The following SLC9B1 variants were observed in gnomAD, a reference collection of about 807,000 sequenced individuals.
SLC9B1 encodes sodium/hydrogen exchanger 9B1.
Under a neutral mutation model 51.7 loss-of-function variants are expected in SLC9B1, and 32 were observed. The ratio of observed to expected loss-of-function variants is 0.62; its 90% CI spans 0.47 to 0.83. SLC9B1 has a LOEUF of 0.83. Ranked by LOEUF, SLC9B1 falls within the 40% of genes least tolerant of loss-of-function variation. SLC9B1 has a pLI of 0.00. For synonymous variants in SLC9B1, 145 were observed against 212.7 expected, an observed-to-expected ratio of 0.68 and a Z score of 2.77; for missense variants, 406 against 613.2, an observed-to-expected ratio of 0.66 and a Z score of 3.57.
intron 1 of SLC9B1, 56 bp from the exon 2 acceptor site, chr4:102,991,768 G>A (rs1739949882): frequency 8.1e-7 from 1 of 1,240,928 alleles, no homozygotes; most frequent in Non-Finnish European, 1.1e-6. Flanking sequence ...AAATCCATAT[G>A]AAAACAAACA....
intron 1 of SLC9B1, among the ~76,000 whole-genome samples, chr4:102,998,040 T>C (rs1344120594): frequency 1.3e-5 from 2 of 152,202 alleles, no homozygotes; most frequent in African/African-American, 4.8e-5. Flanking sequence ...TTTTAACCAC[T>C]TTAAAGTATA....
rs1578358194 is a variant in SLC9B1, at chr4:102,932,178, C to T, written c.775G>A (p.Asp259Asn). ...TLLMAASSMD[D>N]ILAITGFNTC... ...TTGAATCCAGTGATAGCCAGAATGT[C>T]ATCCATACTGCTAGCAGCCATTAAT... The change falls in exon 7 of 12, where the codon GAC becomes AAC. Residue 259 changes from aspartate (D) to asparagine (N), a missense_variant. Physicochemically the swap from Asp to Asn is conservative, Grantham distance 23. This residue lies in a region of SLC9B1 where 250 missense variants were observed against 394.1 expected (regional missense o/e 0.63). Transcript: ENST00000296422. The T allele has an allele frequency of 1.6e-5, 26 of 1,611,950 alleles. No homozygotes were observed. The East Asian group carries it at 5.3e-4, about 33-fold the overall frequency.
At chr4:102,968,784 G>A (rs962365381) in intron 3 of SLC9B1, among the ~76,000 whole-genome samples, 5 of 152,210 alleles carry the variant, frequency 3.3e-5, no homozygotes, top group Non-Finnish European at 7.3e-5. Flanking sequence ...CTTAGCCAAG[G>A]GAAGCCGTGA....
intron 1 of SLC9B1, among the ~76,000 whole-genome samples, chr4:103,007,172 A>G (rs1740830126): frequency 6.6e-6 from 1 of 152,198 alleles, no homozygotes; most frequent in Non-Finnish European, 1.5e-5. Flanking sequence ...GTAGGAAGAG[A>G]GGAAGTCAAA....
chr4:102,918,071 A>G (rs1325499675), intron 7 of SLC9B1, among the ~76,000 whole-genome samples: 2 of 126,678 alleles, frequency 1.6e-5, no homozygotes, highest in Non-Finnish European at 3.2e-5. Context: ...TCCATCTCAA[A>G]AAAAAAAAAA....
At chr4:102,946,291 G>GT (rs1357565874) in intron 5 of SLC9B1, among the ~76,000 whole-genome samples, 3 of 152,008 alleles carry the variant, frequency 2.0e-5, no homozygotes, top group Non-Finnish European at 2.9e-5. Context: ...TTTTTCTTCT[G>GT]TTTTTTTCTT....
intron 11 of SLC9B1, chr4:102,889,980 T>TA (rs1734155926): frequency 3.9e-5 from 4 of 103,248 alleles, no homozygotes; most frequent in South Asian, 5.7e-4. Context: ...GCCCTGTTGT[T>TA]ACTGCGTCAC....
At chr4:103,008,693 A>AT (rs2110538659) in intron 1 of SLC9B1, among the ~76,000 whole-genome samples, 1 of 151,930 alleles carries the variant, frequency 6.6e-6, no homozygotes, top group African/African-American at 2.4e-5. Flanking sequence ...CTGATACATC[A>AT]TATTGAGTAA....
chr4:102,885,167 G>C lies in SLC9B1; in HGVS notation c.*66C>G. 2.1e-6 allele frequency: 3 copies of C among 1,416,712 alleles called. No individual in the cohort carries two copies. The South Asian group carries it at 3.5e-5, about 16-fold the overall frequency. The allele number at this position is 1,416,712 out of a possible 1,614,324, so 87.8% of individuals were successfully genotyped here. A position where few individuals can be genotyped will look rare whatever the true frequency, so the allele number is the denominator to read the frequency against. The stretch of plus-strand genomic sequence containing the variant: ...AGGATGAAACTAGACATGCTATTTT[G>C]AATTCTTTTCCAAGAGCACTGCAGA... On this transcript the variant is annotated 3_prime_UTR_variant, in exon 12 of 12. Transcript: ENST00000394789.
intron 3 of SLC9B1, among the ~76,000 whole-genome samples, chr4:102,951,201 G>A (rs1417707271): frequency 1.3e-5 from 2 of 151,980 alleles, no homozygotes; most frequent in Admixed American, 6.6e-5. Context: ...ACAGGTTAGG[G>A]ATCCCAAAGT....
intron 11 of SLC9B1, among the ~76,000 whole-genome samples, chr4:102,904,464 A>G (rs1429020579): frequency 9.2e-5 from 9 of 97,850 alleles, no homozygotes; most frequent in African/African-American, 5.0e-4. Flanking sequence ...TTAGGAAAAT[A>G]AAAAACATTT....
intron 3 of SLC9B1, among the ~76,000 whole-genome samples, chr4:102,955,869 GAA>G (rs1368872561): frequency 7.3e-6 from 1 of 136,686 alleles, no homozygotes; most frequent in East Asian, 2.1e-4. Flanking sequence ...AAGAAAGAAA[GAA>G]AGAAAGAAAG....
At chr4:102,945,837 T>C (rs1268330873) in intron 5 of SLC9B1, among the ~76,000 whole-genome samples, 2 of 152,182 alleles carry the variant, frequency 1.3e-5, no homozygotes, top group African/African-American at 4.8e-5. Flanking sequence ...TCTTGAGCTA[T>C]TTCTATTAAA....
rs539642754 is a variant in SLC9B1 at position 102,991,619 on chromosome 4, T to C, written c.69+24A>G. ...ATCAGGTTGATTTTATATCATATAT[T>C]ACAGTATACTTTTAAGTTTTTACCT... On this transcript the variant is annotated intron_variant, in intron 2 of 11. Coordinates refer to ENST00000296422, the MANE Select transcript of SLC9B1 (RefSeq NM_139173.4). The C allele has an allele frequency of 6.1e-6, 9 of 1,464,294 alleles. No homozygotes were observed. The African/African-American group carries it at 1.3e-4, about 21-fold the overall frequency. The allele number at this position is 1,464,294 out of a possible 1,614,324, so 90.7% of individuals were successfully genotyped here.
intron 3 of SLC9B1, among the ~76,000 whole-genome samples, chr4:102,965,186 AG>A (rs1206253000): frequency 6.6e-6 from 1 of 152,184 alleles, no homozygotes; most frequent in Admixed American, 6.5e-5. Context: ...TAAATGTCTT[AG>A]TTTGTTTTAT....
chr4:102,969,525 G>T (rs1290234902), intron 3 of SLC9B1, among the ~76,000 whole-genome samples: 1 of 152,186 alleles, frequency 6.6e-6, no homozygotes, highest in Admixed American at 6.5e-5. Context: ...CCACAAAGAT[G>T]GGGGGAAACA....
chr4:102,959,604 A>G (rs1737989947), intron 3 of SLC9B1, among the ~76,000 whole-genome samples: 1 of 152,098 alleles, frequency 6.6e-6, no homozygotes, highest in African/African-American at 2.4e-5. Context: ...TTGCATTGAG[A>G]TTTTGCTTGA....
intron 3 of SLC9B1, among the ~76,000 whole-genome samples, chr4:102,959,087 A>C (rs72937427): frequency 0.028 from 4,274 of 152,286 alleles, 186 homozygotes; most frequent in African/African-American, 0.093. Context: ...AATTATGTGA[A>C]TGGACTAAAA....
chr4:102,918,684 T>C (rs1243916353), intron 7 of SLC9B1, among the ~76,000 whole-genome samples: 1 of 152,192 alleles, frequency 6.6e-6, no homozygotes, highest in Non-Finnish European at 1.5e-5. Context: ...TACTTTCCCT[T>C]TTGAACATGT....
Sources: allele counts gnomAD v4.1 joint callset (sites outside exome capture counted in the v4.1 genomes callset), GRCh38; gene constraint gnomAD v4.1.1; regional missense constraint gnomAD v4.1.1; transcripts MANE v1.5; gene names NCBI Gene and HGNC (gene_info 2026-07-23, HGNC 2026-07-21).